Variants in RFWD3 observed in about 807,000 individuals in gnomAD.
RFWD3 encodes E3 ubiquitin-protein ligase RFWD3.
Under a neutral mutation model 87.7 loss-of-function variants are expected in RFWD3, and 65 were observed. The observed-to-expected ratio is 0.74, with a 90% confidence interval of 0.61 to 0.91. The LOEUF (loss-of-function observed/expected upper bound fraction) is 0.91, where lower values mean the gene tolerates loss of function less well. Ranked by LOEUF, RFWD3 falls within the 40% of genes least tolerant of loss-of-function variation. The probability of loss-of-function intolerance (pLI) is 0.00; values close to 1 mark genes in which losing one functional copy is unlikely to be tolerated. For missense variants in RFWD3, 1,078 were observed against 938.5 expected (o/e 1.15, Z -1.94); for synonymous variants, 433 against 352.8 (o/e 1.23, Z -2.55).
At chr16:74,644,511 T>C (rs1050348576) in intron 5 of RFWD3, 30 bp downstream of exon 5, 12 of 1,614,066 alleles carry the variant, frequency 7.4e-6, no homozygotes, top group African/African-American at 5.3e-5. Context: ...TGACTTAACA[T>C]GTTAATGTGT....
chr16:74,658,593 G>C (rs1487187596), intron 2 of RFWD3, among the ~76,000 whole-genome samples: 1 of 152,148 alleles, frequency 6.6e-6, no homozygotes, highest in Non-Finnish European at 1.5e-5. Flanking sequence ...AGGGAAAAAA[G>C]TTTTAATCAC....
rs779783050 is a variant in RFWD3 at position 74,628,524 on chromosome 16, A to C, written c.1897T>G (p.Leu633Val). 5.6e-6 allele frequency: 9 copies of C among 1,614,090 alleles called. No homozygotes were observed. The African/African-American group carries it at 8.0e-5, about 14-fold the overall frequency. ...DFSHWPHVLP[L>V]EPGGCIDFQT... ...AAGTCTATGCAGCCCCCTGGCTCCA[A>C]GGGCAGCACATGAGGCCAATGAGAA... Residue 633 changes from leucine to valine, a missense_variant, in exon 11 of 13, where the codon TTG (leucine) becomes GTG (valine). Leu to Val is a conservative substitution (Grantham distance 32). Coordinates refer to ENST00000361070, the MANE Select transcript of RFWD3 (RefSeq NM_018124.4).
intron 8 of RFWD3, among the ~76,000 whole-genome samples, chr16:74,633,245 C>A (rs1394303616): frequency 2.0e-5 from 3 of 147,700 alleles, no homozygotes; most frequent in Non-Finnish European, 4.4e-5. Context: ...CCACTACACT[C>A]CAGCGTGGGC....
intron 2 of RFWD3, among the ~76,000 whole-genome samples, chr16:74,659,828 A>C (rs1961287280): frequency 6.6e-6 from 1 of 152,206 alleles, no homozygotes; most frequent in Non-Finnish European, 1.5e-5. Context: ...CAGCTTCCTC[A>C]TTTGTAAAAC....
rs759556308 is a variant in RFWD3, at chr16:74,637,122, T to TAAAAAAAAAAAAAA, written c.1195-559_1195-546dup. Among the ~76,000 whole-genome samples, 414 of 101,686 alleles carry TAAAAAAAAAAAAAA rather than the reference T, an allele frequency of 4.1e-3. 7 individuals carry two copies. Among genetic ancestry groups the TAAAAAAAAAAAAAA allele is most frequent in the Non-Finnish European group, 6.1e-3 (322 of 52,828 alleles). 66.7% of individuals were successfully genotyped at this position (101,686 alleles called of 152,430 possible). A position where few individuals can be genotyped will look rare whatever the true frequency, so the allele number is the denominator to read the frequency against. On this transcript the variant is annotated intron_variant, in intron 7 of 12. Transcript: ENST00000361070. ...AATGGTGGTTTCGTTTAAAGTCCTT[T>TAAAAAAAAAAAAAA]AAAAAAAAAAAAAAAAAAAAAAACA...
chr16:74,659,670 T>C (rs548733330), intron 2 of RFWD3, among the ~76,000 whole-genome samples: 32 of 152,134 alleles, frequency 2.1e-4, no homozygotes, highest in African/African-American at 7.5e-4. Flanking sequence ...CTGTCATCCT[T>C]GATGGGCACT....
Position 74,623,972 on chromosome 16 carries a change from C to T in RFWD3, c.2281G>A (p.Ala761Thr), listed in dbSNP as rs748988162. 1.9e-6 allele frequency: 3 copies of T among 1,614,106 alleles called. No homozygotes were observed. Among genetic ancestry groups the T allele is most frequent in the Non-Finnish European group, 2.5e-6 (3 of 1,180,018 alleles). ...TGGACCATCTTCTCTGTTAAGGTAG[C>T]CAAGTAGCTGTTACGGTTCACCTCA... ...PFEVNRNSYL[A>T]TLTEKMVHIY... Residue 761 changes from alanine to threonine, a missense_variant, in exon 13 of 13, where the codon GCT becomes ACT. By Grantham distance (58) the Ala-to-Thr change is moderately conservative (BLOSUM62 0). Coordinates refer to ENST00000361070, the MANE Select transcript of RFWD3 (RefSeq NM_018124.4).
chr16:74,656,539 G>C (rs1961003945), intron 2 of RFWD3, among the ~76,000 whole-genome samples: 1 of 151,950 alleles, frequency 6.6e-6, no homozygotes, highest in Non-Finnish European at 1.5e-5. Context: ...CTGGAGTGCA[G>C]TGGCATGATA....
chr16:74,630,781 C>G lies in RFWD3; in HGVS notation c.1754G>C (p.Arg585Thr). 1 of 1,593,582 alleles carries G rather than the reference C, an allele frequency of 6.3e-7. No homozygotes were observed. The highest frequency in any genetic ancestry group is 8.5e-7 in the Non-Finnish European group (1 of 1,171,266). Reference protein sequence around the residue: ...HVQELVAQKARCPLVSLSYMP... With the variant: ...HVQELVAQKATCPLVSLSYMP... ...AGGAAAAGAGTGAGTGGCTCCCTAC[C>G]TGGCTTTCTGAGCTACTAACTCCTG... The change falls in exon 10 of 13, where the codon AGA becomes ACA. Residue 585 changes from arginine (R) to threonine (T), a missense_variant and splice_region_variant. Physicochemically the swap from Arg to Thr is moderately conservative, Grantham distance 71. Coordinates refer to ENST00000361070, the MANE Select transcript of RFWD3 (RefSeq NM_018124.4).
At chr16:74,635,037 T>G (rs1056546480) in intron 8 of RFWD3, among the ~76,000 whole-genome samples, 3 of 151,832 alleles carry the variant, frequency 2.0e-5, no homozygotes, top group Non-Finnish European at 4.4e-5. Flanking sequence ...TCCCAGCACT[T>G]TGGGAGGCCG....
chr16:74,633,289 A>AG lies in RFWD3; in HGVS notation c.1427-617_1427-616insC, dbSNP rs534359432. On this transcript the variant is annotated intron_variant, in intron 8 of 12. Transcript: ENST00000361070. ...CAAAACTCCGTCTCAGAAAAAAAAA[A>AG]AAAAGAAAAGAAAAAAAAGTACAAC... Among the ~76,000 whole-genome samples, 15 of 151,194 alleles carry AG rather than the reference A, an allele frequency of 9.9e-5. No homozygotes were observed. In the South Asian group the frequency reaches 1.0e-3, roughly 11 times the overall value.
At chr16:74,648,747 C>T (rs1960353360) in intron 4 of RFWD3, among the ~76,000 whole-genome samples, 1 of 151,554 alleles carries the variant, frequency 6.6e-6, no homozygotes, top group Admixed American at 6.6e-5. Context: ...CGCACTCCAC[C>T]CTGGGCAACA....
intron 1 of RFWD3, among the ~76,000 whole-genome samples, chr16:74,663,897 A>G (rs1468359146): frequency 6.6e-6 from 1 of 152,192 alleles, no homozygotes; most frequent in Non-Finnish European, 1.5e-5. Flanking sequence ...GATGGCGCTA[A>G]AAGAGAAGGG....
chr16:74,654,531 TG>T (rs1440958551), intron 2 of RFWD3, among the ~76,000 whole-genome samples: 6 of 152,144 alleles, frequency 3.9e-5, no homozygotes, highest in Non-Finnish European at 8.8e-5. Context: ...CCTTATTCCC[TG>T]AGACAAAACA....
At chr16:74,648,963 T>C (rs1488608097) in intron 4 of RFWD3, among the ~76,000 whole-genome samples, 169 bp downstream of exon 4, 1 of 152,048 alleles carries the variant, frequency 6.6e-6, no homozygotes, top group African/African-American at 2.4e-5. Context: ...TTACCTGTAG[T>C]TCCAGCTATT....
intron 7 of RFWD3, 73 bp from the exon 8 acceptor site, chr16:74,636,650 T>C: frequency 9.0e-7 from 1 of 1,107,946 alleles, no homozygotes; most frequent in Non-Finnish European, 1.3e-6. Flanking sequence ...TTCCTTGATC[T>C]TTTACAGGAA....
chr16:74,649,091 A>G (rs1451745458), intron 4 of RFWD3, 41 bp downstream of exon 4: 3 of 1,352,304 alleles, frequency 2.2e-6, no homozygotes, highest in Admixed American at 1.9e-5. Context: ...AAAAATAAAT[A>G]AATAAATAAA....
chr16:74,662,665 C>T (rs1961549249), intron 1 of RFWD3, among the ~76,000 whole-genome samples: 1 of 152,024 alleles, frequency 6.6e-6, no homozygotes, highest in African/African-American at 2.4e-5. Context: ...TGCATAGGTC[C>T]CTGATGAGCA....
At chr16:74,657,587 T>A (rs1961097058) in intron 2 of RFWD3, among the ~76,000 whole-genome samples, 1 of 151,686 alleles carries the variant, frequency 6.6e-6, no homozygotes, top group Admixed American at 6.6e-5. Context: ...GCGATTCTCC[T>A]GCCTCAGTCT....
Sources: allele counts gnomAD v4.1 joint callset (sites outside exome capture counted in the v4.1 genomes callset), GRCh38; gene constraint gnomAD v4.1.1; transcripts MANE v1.5; gene names NCBI Gene and HGNC (gene_info 2026-07-23, HGNC 2026-07-21).